Variants in IRGM observed in about 807,000 individuals in gnomAD.
IRGM encodes immunity related GTPase M, also known as immunity-related GTPase family M protein.
For missense variants in IRGM, 288 were observed against 219.9 expected, an observed-to-expected ratio of 1.31 and a Z score of -1.96; for synonymous variants, 98 against 80.6, an observed-to-expected ratio of 1.22 and a Z score of -1.16.
chr5:150,896,046 A>G (rs1436210353), intron 3 of IRGM: 2 of 1,613,404 alleles, frequency 1.2e-6, no homozygotes, highest in Non-Finnish European at 1.7e-6. Flanking sequence ...TCTGTGGTGT[A>G]TAATCAGCTG....
chr5:150,848,199 C>T lies in IRGM; in HGVS notation c.76C>T (p.Leu26=), dbSNP rs1344526784. 1 of 1,551,708 alleles carries T rather than the reference C, an allele frequency of 6.4e-7. No individual in the cohort carries two copies. Reference sequence around the variant, plus strand: ...GGTGATCTCTAACATCAAGGAGACTCTGAAGATAGTGTCCAGGACACCAGT... The same window carrying T: ...GGTGATCTCTAACATCAAGGAGACTTTGAAGATAGTGTCCAGGACACCAGT... ...PEVISNIKET[L]KIVSRTPVNI... Residue 26 remains leucine (L), a synonymous_variant, in exon 2 of 2, where the codon CTG becomes TTG. Coordinates refer to ENST00000522154, the MANE Select transcript of IRGM (RefSeq NM_001145805.2).
intron 3 of IRGM, among the ~76,000 whole-genome samples, chr5:150,892,480 G>A (rs1754625329): frequency 6.6e-6 from 1 of 152,070 alleles, no homozygotes; most frequent in South Asian, 2.1e-4. Flanking sequence ...GCAGTTTTGA[G>A]ATCTTCTACA....
chr5:150,867,582 T>C (rs1337912691), intron 1 of IRGM, among the ~76,000 whole-genome samples: 1 of 152,206 alleles, frequency 6.6e-6, no homozygotes, highest in East Asian at 1.9e-4. Flanking sequence ...GTTGTACTAG[T>C]TTACATTCTT....
chr5:150,897,226 T>C, intron 3 of IRGM: 1 of 370,508 alleles, frequency 2.7e-6, no homozygotes, highest in Admixed American at 4.2e-5. Flanking sequence ...TAATTTTTGA[T>C]TATTCTTCTA....
chr5:150,874,402 A>G (rs1754332728), intron 1 of IRGM, among the ~76,000 whole-genome samples: 1 of 152,176 alleles, frequency 6.6e-6, no homozygotes, highest in South Asian at 2.1e-4. Flanking sequence ...AAATTCAGGG[A>G]CCTTCTACCT....
intron 1 of IRGM, among the ~76,000 whole-genome samples, chr5:150,859,712 C>T (rs1436524642): frequency 6.6e-6 from 1 of 152,180 alleles, no homozygotes; most frequent in Non-Finnish European, 1.5e-5. Context: ...AGTTTATTTG[C>T]ATAGAGGTGT....
At chr5:150,873,106 C>T (rs1233445831) in intron 1 of IRGM, among the ~76,000 whole-genome samples, 2 of 152,176 alleles carry the variant, frequency 1.3e-5, no homozygotes, top group African/African-American at 4.8e-5. Context: ...GCATAGCTAC[C>T]ATAATGGACA....
Position 150,848,341 on chromosome 5 carries a change from A to G in IRGM, c.218A>G (p.Gln73Arg). The change falls in exon 2 of 2, where the codon CAA (glutamine) becomes CGA (arginine). Residue 73 changes from glutamine (Q) to arginine (R), a missense_variant. Physicochemically the swap from Gln to Arg is conservative, Grantham distance 43. Coordinates refer to ENST00000522154, the MANE Select transcript of IRGM (RefSeq NM_001145805.2). ...CCTACTGAGCTGGTAAAAGCTACCC[A>G]AAGATGTGCCTCCTATTTCTCTTCC... ...SPPTELVKAT[Q>R]RCASYFSSHF... 1 of 1,551,848 alleles carries G rather than the reference A, an allele frequency of 6.4e-7. No homozygotes were observed. The highest frequency in any genetic ancestry group is 2.4e-5 in the East Asian group (1 of 41,060).
intron 1 of IRGM, among the ~76,000 whole-genome samples, chr5:150,875,695 A>T (rs1754353302): frequency 6.6e-6 from 1 of 152,214 alleles, no homozygotes; most frequent in African/African-American, 2.4e-5. Context: ...GAAGTTACAC[A>T]TGAGCTCAGC....
intron 3 of IRGM, among the ~76,000 whole-genome samples, chr5:150,899,971 C>G (rs1474875123): frequency 6.6e-6 from 1 of 152,064 alleles, no homozygotes; most frequent in African/African-American, 2.4e-5. Context: ...TCAGTCATCT[C>G]AAATCTCAAG....
At chr5:150,847,425 C>T (rs1011529804) in intron 1 of IRGM, 3 of 152,254 alleles carry the variant, frequency 2.0e-5, no homozygotes, top group African/African-American at 4.8e-5. Context: ...ACCTCTTGGG[C>T]TTTTCAGGAG....
rs1753911515 is a variant in IRGM, at chr5:150,848,289, A to G, written c.166A>G (p.Thr56Ala). The change falls in exon 2 of 2, where the codon ACA becomes GCA. Residue 56 changes from threonine (T) to alanine (A), a missense_variant. By Grantham distance (58) the Thr-to-Ala change is moderately conservative (BLOSUM62 0). Transcript: ENST00000522154. Reference sequence around the variant, plus strand: ...CACCTTCATCAGTGCCCTTCGAAACACAGGACATGAGGGTAAGGCCTCACC... The same window carrying G: ...CACCTTCATCAGTGCCCTTCGAAACGCAGGACATGAGGGTAAGGCCTCACC... Reference protein sequence around the residue: ...MSTFISALRNTGHEGKASPPT... With the variant: ...MSTFISALRNAGHEGKASPPT... 6.4e-7 allele frequency: 1 copy of G among 1,551,826 alleles called. No homozygotes were observed. Among genetic ancestry groups the G allele is most frequent in the Non-Finnish European group, 8.7e-7 (1 of 1,146,988 alleles).
At chr5:150,880,952 C>T (rs1482410918) in intron 3 of IRGM, among the ~76,000 whole-genome samples, 1 of 151,964 alleles carries the variant, frequency 6.6e-6, no homozygotes, top group African/African-American at 2.4e-5. Flanking sequence ...TGTGGTAAAA[C>T]CCCGTCTCTA....
intron 3 of IRGM, chr5:150,896,652 GGTTTT>G: frequency 6.2e-7 from 1 of 1,613,262 alleles, no homozygotes; most frequent in African/African-American, 1.3e-5. Context: ...GTCAATATTT[GGTTTT>G]AAGTTCTTTT....
At chr5:150,878,110 C>A in exon 2 of IRGM, 1 of 427,184 alleles carries the variant, frequency 2.3e-6, no homozygotes, top group Admixed American at 3.1e-5. Context: ...CAAGGCCCAG[C>A]TCAGGTGAGA....
At chr5:150,867,626 A>G (rs563262692) in intron 1 of IRGM, among the ~76,000 whole-genome samples, 131 of 150,670 alleles carry the variant, frequency 8.7e-4, no homozygotes, top group African/African-American at 3.0e-3. Flanking sequence ...TTTTCACAAC[A>G]TCCATGCCAA....
Position 150,848,339 on chromosome 5 carries a change from C to A in IRGM, c.216C>A (p.Thr72=). The A allele has an allele frequency of 6.4e-7, 1 of 1,551,674 alleles. No homozygotes were observed. The highest frequency in any genetic ancestry group is 2.4e-5 in the East Asian group (1 of 41,070). ...ASPPTELVKA[T]QRCASYFSSH... ...CTCCTACTGAGCTGGTAAAAGCTAC[C>A]CAAAGATGTGCCTCCTATTTCTCTT... The change falls in exon 2 of 2, where the codon ACC becomes ACA. Residue 72 remains threonine (T), a synonymous_variant. Coordinates refer to ENST00000522154, the MANE Select transcript of IRGM (RefSeq NM_001145805.2).
rs1385414070 is a variant in IRGM, at chr5:150,847,963, G to A, written c.-161G>A. On this transcript the variant is annotated 5_prime_UTR_variant, in exon 2 of 2. Transcript: ENST00000522154. ...GGACTACAGGCGCACACCACCACGC[G>A]CAGCTAATTTTTTTGTATTTTAGTA... 3.5e-5 allele frequency: 21 copies of A among 606,836 alleles called. No homozygotes were observed. Among genetic ancestry groups the A allele is most frequent in the East Asian group, 1.4e-4 (5 of 35,344 alleles). The allele number at this position is 606,836 out of a possible 1,614,324, so 37.6% of individuals were successfully genotyped here. A position where few individuals can be genotyped will look rare whatever the true frequency, so the allele number is the denominator to read the frequency against.
downstream of IRGM, among the ~76,000 whole-genome samples, chr5:150,901,728 C>T (rs138225988): frequency 3.5e-3 from 526 of 152,108 alleles, 3 homozygotes; most frequent in African/African-American, 0.012. Flanking sequence ...ACTCAATTCT[C>T]ACAACAACCC....
Sources: allele counts gnomAD v4.1 joint callset (sites outside exome capture counted in the v4.1 genomes callset), GRCh38; gene constraint gnomAD v4.1.1; transcripts MANE v1.5; gene names NCBI Gene and HGNC (gene_info 2026-07-23, HGNC 2026-07-21).